DELE1: variants seen among roughly 807,000 people sequenced by gnomAD.
DELE1 encodes DAP3 binding cell death enhancer 1, also known as death ligand signal enhancer.
A neutral mutation model predicts 59.3 loss-of-function variants in DELE1; 54 were observed. That is an observed-to-expected ratio of 0.91 (90% CI 0.73 to 1.14). The LOEUF is 1.14. DELE1 is among the 50% of genes most tolerant of loss of function. The pLI is 0.00. For synonymous variants in DELE1, 264 were observed against 259.1 expected, an observed-to-expected ratio of 1.02 and a Z score of -0.18; for missense variants, 636 against 643.9, an observed-to-expected ratio of 0.99 and a Z score of 0.13.
chr5:141,935,906 T>C (rs764609007), intron 10 of DELE1, among the ~76,000 whole-genome samples: 35 of 152,354 alleles, frequency 2.3e-4, no homozygotes, highest in Non-Finnish European at 4.3e-4. Flanking sequence ...GGTGGTGTTT[T>C]GGCCTTACGT....
chr5:141,941,447 G>A lies in DELE1; in HGVS notation c.*2688G>A. The A allele has an allele frequency of 1.0e-6, 1 of 985,556 alleles. No individual in the cohort carries two copies. Among genetic ancestry groups the A allele is most frequent in the Non-Finnish European group, 1.2e-6 (1 of 830,012 alleles). The allele number at this position is 985,556 out of a possible 1,614,324, so 61.1% of individuals were successfully genotyped here. A position where few individuals can be genotyped will look rare whatever the true frequency, so the allele number is the denominator to read the frequency against. On this transcript the variant is annotated 3_prime_UTR_variant, in exon 12 of 12. Transcript: ENST00000432126. ...AAAAATCCTTGGCTGTTCAGTCACT[G>A]CGGTCTTGATCCAGCCCCAGGGGGA... is the stretch of plus-strand genomic sequence containing the variant.
At chr5:141,935,506 G>A (rs1393920847) in intron 10 of DELE1, among the ~76,000 whole-genome samples, 1 of 152,204 alleles carries the variant, frequency 6.6e-6, no homozygotes, top group East Asian at 1.9e-4. Context: ...GGGGACTGCT[G>A]CTTCCTTTGT....
rs1160855110 is a variant in DELE1, at chr5:141,941,990, T to C, written c.*3231T>C. On this transcript the variant is annotated 3_prime_UTR_variant, in exon 12 of 12. Coordinates refer to ENST00000432126, the MANE Select transcript of DELE1 (RefSeq NM_014773.5). ...ACACACGCACACACACACACACGGT[T>C]TCCTGTGCTACTTCTGGCACTTAGT... is the stretch of plus-strand genomic sequence containing the variant. 29 of 985,142 alleles carry C rather than the reference T, an allele frequency of 2.9e-5. No individual in the cohort carries two copies. Among genetic ancestry groups the C allele is most frequent in the Non-Finnish European group, 3.3e-5 (27 of 829,888 alleles). 61.0% of individuals were successfully genotyped at this position (985,142 alleles called of 1,614,324 possible). A position where few individuals can be genotyped will look rare whatever the true frequency, so the allele number is the denominator to read the frequency against.
At position 141,941,885 on chromosome 5, in the gene DELE1, T is replaced by C; in HGVS notation, c.*3126T>C. 2 of 985,242 alleles carry C rather than the reference T, an allele frequency of 2.0e-6. No individual in the cohort carries two copies. The highest frequency in any genetic ancestry group is 2.4e-6 in the Non-Finnish European group (2 of 829,904). The allele number at this position is 985,242 out of a possible 1,614,324, so 61.0% of individuals were successfully genotyped here. On this transcript the variant is annotated 3_prime_UTR_variant, in exon 12 of 12. Coordinates refer to ENST00000432126, the MANE Select transcript of DELE1 (RefSeq NM_014773.5). The stretch of plus-strand genomic sequence containing the variant: ...CCTACCCAGCACATAGTAGGTACTT[T>C]AAGTAATTTGAATGAATAATTTTAA...
At chr5:141,938,197 T>C (rs1044349193) in intron 11 of DELE1, among the ~76,000 whole-genome samples, 1 of 152,138 alleles carries the variant, frequency 6.6e-6, no homozygotes, top group Non-Finnish European at 1.5e-5. Context: ...TCTTCACCTC[T>C]GAAAATGAAG....
At chr5:141,938,122 A>G (rs2126900707) in intron 11 of DELE1, among the ~76,000 whole-genome samples, 1 of 152,206 alleles carries the variant, frequency 6.6e-6, no homozygotes, top group African/African-American at 2.4e-5. Context: ...CACCGCGCCC[A>G]GTCAAACCTG....
intron 10 of DELE1, chr5:141,934,869 T>C (rs577379689): frequency 3.7e-4 from 165 of 449,406 alleles, no homozygotes; most frequent in African/African-American, 2.9e-3. Context: ...AAACAGGGCT[T>C]TTTCCCTCCT....
chr5:141,930,996 C>T (rs1287040991), intron 7 of DELE1, among the ~76,000 whole-genome samples: 1 of 152,098 alleles, frequency 6.6e-6, no homozygotes, highest in African/African-American at 2.4e-5. Flanking sequence ...AAGACAAAGT[C>T]CTTATTCTCA....
At chr5:141,926,100 G>A (rs1438010959) in intron 3 of DELE1, among the ~76,000 whole-genome samples, 5 of 152,028 alleles carry the variant, frequency 3.3e-5, no homozygotes, top group Non-Finnish European at 4.4e-5. Context: ...GGATGGTCTC[G>A]AACTCCTGAT....
rs759448332 is a variant in DELE1 at position 141,929,596 on chromosome 5, A to T, written c.427A>T (p.Ile143Phe). The change falls in exon 5 of 12, where the codon ATC becomes TTC. Residue 143 changes from isoleucine (I) to phenylalanine (F), a missense_variant. Transcript: ENST00000432126. The part of the protein sequence containing the change: ...WHPCSSLRQH[I>F]LPSPDGPAPR... ...GCTCTTTCCAGCACTGCGACAACAC[A>T]TCCTCCCCAGCCCCGATGGCCCAGC... The T allele has an allele frequency of 1.2e-6, 2 of 1,613,464 alleles. No homozygotes were observed. The highest frequency in any genetic ancestry group is 2.7e-5 in the African/African-American group (2 of 74,824).
chr5:141,935,680 C>G (rs1186469561), intron 10 of DELE1, among the ~76,000 whole-genome samples: 9 of 152,252 alleles, frequency 5.9e-5, no homozygotes, highest in Non-Finnish European at 1.3e-4. Context: ...AAGAGCCCCA[C>G]AGAGCCTTCC....
At chr5:141,926,219 A>G (rs1473711011) in intron 3 of DELE1, among the ~76,000 whole-genome samples, 6 of 152,190 alleles carry the variant, frequency 3.9e-5, no homozygotes, top group Non-Finnish European at 8.8e-5. Flanking sequence ...TACATGCATT[A>G]TCTTGTGTAA....
intron 3 of DELE1, among the ~76,000 whole-genome samples, chr5:141,926,055 T>A (rs757846646): frequency 5.3e-5 from 8 of 151,962 alleles, no homozygotes; most frequent in Non-Finnish European, 8.8e-5. Context: ...AATTTTTGTG[T>A]TTTTAGTAGA....
At chr5:141,926,471 A>T (rs1262455835) in intron 3 of DELE1, among the ~76,000 whole-genome samples, 1 of 152,176 alleles carries the variant, frequency 6.6e-6, no homozygotes, top group Non-Finnish European at 1.5e-5. Context: ...ACTAGTGAAC[A>T]CTAGGTCTCA....
intron 2 of DELE1, 151 bp downstream of exon 2, chr5:141,924,846 C>T: frequency 3.4e-6 from 2 of 596,532 alleles, no homozygotes; most frequent in South Asian, 4.1e-5. Context: ...ACCTCCGCCT[C>T]CCAGGTTCAA....
chr5:141,934,432 C>T (rs775315153), intron 9 of DELE1, 34 bp downstream of exon 9: 1 of 1,614,114 alleles, frequency 6.2e-7, no homozygotes, highest in African/African-American at 1.3e-5. Flanking sequence ...TTCAAGGTCT[C>T]TGAGGCCTGT....
intron 3 of DELE1, 88 bp downstream of exon 3, chr5:141,925,615 A>G (rs565846361): frequency 1.1e-5 from 8 of 720,496 alleles, no homozygotes; most frequent in African/African-American, 1.8e-5. Context: ...AACAAGGGCT[A>G]GGGAATCACT....
At position 141,925,450 on chromosome 5, in the gene DELE1, T is replaced by C. The variant is rs759043488; in HGVS notation, c.187T>C (p.Ser63Pro). The stretch of plus-strand genomic sequence containing the variant: ...CCCAGGCACGAGCGGGGGTCCAAGG[T>C]CCCATGGATGGAAGGATGCCTTCCA... ...HGPGTSGGPRSHGWKDAFQWM... is the reference protein window; with the variant it reads ...HGPGTSGGPRPHGWKDAFQWM... The change falls in exon 3 of 12, where the codon TCC becomes CCC. Residue 63 changes from serine (S) to proline (P), a missense_variant. Physicochemically the swap from Ser to Pro is moderately conservative, Grantham distance 74. Transcript: ENST00000432126. 4.4e-6 allele frequency: 7 copies of C among 1,603,236 alleles called. No homozygotes were observed. Among genetic ancestry groups the C allele is most frequent in the Non-Finnish European group, 6.0e-6 (7 of 1,175,224 alleles).
intron 4 of DELE1, 55 bp downstream of exon 4, chr5:141,928,353 G>C (rs61402512): frequency 1.9e-6 from 3 of 1,577,054 alleles, no homozygotes; most frequent in Non-Finnish European, 2.6e-6. Flanking sequence ...CTCTGGGCCA[G>C]GAAGCGTCTC....
Sources: allele counts gnomAD v4.1 joint callset (sites outside exome capture counted in the v4.1 genomes callset), GRCh38; gene constraint gnomAD v4.1.1; transcripts MANE v1.5; gene names NCBI Gene and HGNC (gene_info 2026-07-23, HGNC 2026-07-21).